Variants in NXPE2 observed in about 807,000 individuals in gnomAD.
NXPE2 encodes the protein neurexophilin and PC-esterase domain family member 2, also known as NXPE family member 2.
Under a neutral mutation model 34.4 loss-of-function variants are expected in NXPE2, and 34 were observed. That is an observed-to-expected ratio of 0.99 (90% CI 0.75 to 1.31). NXPE2 has a LOEUF of 1.31. Among genes scored for constraint, NXPE2 ranks in the 40% most tolerant of loss-of-function variants. The pLI, the probability that NXPE2 is intolerant of heterozygous loss-of-function variation, is 0.00. For synonymous variants in NXPE2, 235 were observed against 231.3 expected (o/e 1.02, Z -0.15); for missense variants, 649 against 672.5 (o/e 0.97, Z 0.39).
the NXPE2 span, among the ~76,000 whole-genome samples, chr11:114,619,612 A>T: frequency 2.7e-5 from 4 of 150,766 alleles, no homozygotes; most frequent in African/African-American, 9.8e-5. Context: ...TCCCAGTGGA[A>T]AATGTGTTGC....
chr11:114,605,158 A>T, the NXPE2 span, among the ~76,000 whole-genome samples: 2 of 151,252 alleles, frequency 1.3e-5, no homozygotes, highest in Admixed American at 1.3e-4. Flanking sequence ...TTTCCCAGGG[A>T]TAATAAGTGT....
the NXPE2 span, among the ~76,000 whole-genome samples, chr11:114,623,212 A>T: frequency 1.3e-5 from 2 of 151,846 alleles, no homozygotes; most frequent in Non-Finnish European, 2.9e-5. Context: ...TACCCAGTGG[A>T]TCATAAATAT....
chr11:114,475,240 T>TG, the NXPE2 span, among the ~76,000 whole-genome samples: 3 of 58,608 alleles, frequency 5.1e-5, no homozygotes, highest in East Asian at 1.2e-3. Flanking sequence ...TTTTTTTTTT[T>TG]TTTTTTTTTT....
the NXPE2 span, among the ~76,000 whole-genome samples, chr11:114,466,555 A>AAT: frequency 0.017 from 2,563 of 151,312 alleles, 79 homozygotes; most frequent in African/African-American, 0.059. Flanking sequence ...TAATTTCTTG[A>AAT]ATATATATAT....
downstream of NXPE2, among the ~76,000 whole-genome samples, chr11:114,708,173 T>G (rs1173271677): frequency 6.6e-6 from 1 of 152,176 alleles, no homozygotes; most frequent in African/African-American, 2.4e-5. Flanking sequence ...ATAATAGCAG[T>G]CTTCTTGCTT....
At chr11:114,479,066 G>A in the NXPE2 span, among the ~76,000 whole-genome samples, 1 of 152,086 alleles carries the variant, frequency 6.6e-6, no homozygotes, top group Non-Finnish European at 1.5e-5. Flanking sequence ...AGTTATGGAG[G>A]GCCTGCAAAC....
the NXPE2 span, among the ~76,000 whole-genome samples, chr11:114,725,973 A>AT: frequency 0.016 from 889 of 57,182 alleles, 22 homozygotes; most frequent in South Asian, 0.077. Flanking sequence ...ATAATAAAAA[A>AT]AAAATATATA....
At chr11:114,656,164 G>C in the NXPE2 span, among the ~76,000 whole-genome samples, 1 of 150,234 alleles carries the variant, frequency 6.7e-6, no homozygotes, top group African/African-American at 2.5e-5. Context: ...AATCATGAAT[G>C]AACTCCTATT....
chr11:114,810,666 A>G, the NXPE2 span, among the ~76,000 whole-genome samples: 11 of 152,200 alleles, frequency 7.2e-5, no homozygotes, highest in South Asian at 2.1e-4. Flanking sequence ...TAGAATGGCG[A>G]TCATTAAAAA....
At chr11:114,592,946 A>T in the NXPE2 span, among the ~76,000 whole-genome samples, 19 of 152,294 alleles carry the variant, frequency 1.2e-4, no homozygotes, top group Non-Finnish European at 2.6e-4. Flanking sequence ...TTTAAAATAG[A>T]TGGTGCTGGA....
chr11:114,537,122 C>A, the NXPE2 span, among the ~76,000 whole-genome samples: 2 of 152,076 alleles, frequency 1.3e-5, no homozygotes, highest in Non-Finnish European at 2.9e-5. Context: ...AAGGCTGGTT[C>A]AACATATGCA....
the NXPE2 span, among the ~76,000 whole-genome samples, chr11:114,743,239 C>T: frequency 7.9e-6 from 1 of 127,302 alleles, no homozygotes; most frequent in Admixed American, 7.7e-5. Flanking sequence ...GATGTTTTTG[C>T]ACCAGAGACA....
the NXPE2 span, among the ~76,000 whole-genome samples, chr11:114,620,818 TACCCTGTGTCTAATAAGTGTTGCCTTGTG>T: frequency 2.6e-5 from 4 of 152,114 alleles, no homozygotes; most frequent in Non-Finnish European, 4.4e-5. Flanking sequence ...GAACCACTGT[TACCCTGTGTCTAATAAGTGTTGCCTTGTG>T]GGTAACCACT....
At chr11:114,759,772 T>C in the NXPE2 span, among the ~76,000 whole-genome samples, 1 of 152,358 alleles carries the variant, frequency 6.6e-6, no homozygotes, top group African/African-American at 2.4e-5. Flanking sequence ...TATCTTTAAT[T>C]GCTTTATTTG....
the NXPE2 span, among the ~76,000 whole-genome samples, chr11:114,768,233 T>G: frequency 6.6e-6 from 1 of 152,198 alleles, no homozygotes; most frequent in African/African-American, 2.4e-5. Flanking sequence ...ATATGTGGTG[T>G]TATTTCTGAG....
the NXPE2 span, among the ~76,000 whole-genome samples, chr11:114,465,009 C>T: frequency 2.6e-5 from 4 of 152,180 alleles, no homozygotes; most frequent in African/African-American, 9.6e-5. Flanking sequence ...TTTATATTCC[C>T]ACCACATTGG....
At chr11:114,574,374 G>T in the NXPE2 span, among the ~76,000 whole-genome samples, 1 of 151,794 alleles carries the variant, frequency 6.6e-6, no homozygotes, top group Non-Finnish European at 1.5e-5. Context: ...AGAAGTAAAT[G>T]AAACTGAAAC....
chr11:114,615,222 C>T, the NXPE2 span, among the ~76,000 whole-genome samples: 44 of 148,878 alleles, frequency 3.0e-4, no homozygotes, highest in Admixed American at 2.9e-3. Context: ...TACTAAGTAT[C>T]GCCTCTTGGG....
At chr11:114,599,309 C>T in the NXPE2 span, among the ~76,000 whole-genome samples, 178 of 152,274 alleles carry the variant, frequency 1.2e-3, 1 homozygote, top group Admixed American at 3.1e-3. Flanking sequence ...TCAGACTGGA[C>T]TTCATTGTCC....
Sources: gnomAD v4.1 joint callset for allele counts (sites outside exome capture counted in the v4.1 genomes callset) on GRCh38, gnomAD v4.1.1 for gene constraint, MANE v1.5 for transcripts, NCBI Gene and HGNC (gene_info 2026-07-23, HGNC 2026-07-21) for gene names.